Variants in LEKR1 observed in about 807,000 individuals in gnomAD.
The protein encoded by LEKR1 is leucine, glutamate and lysine rich 1, also known as protein LEKR1.
In LEKR1, 59 loss-of-function variants were observed where a neutral mutation model predicts 72.4. The observed-to-expected ratio is 0.82, with a 90% CI of 0.66 to 1.01. The LOEUF (loss-of-function observed/expected upper bound fraction) is 1.01. LEKR1 is among the 50% of genes least tolerant of loss of function. The pLI, the probability that LEKR1 is intolerant of heterozygous loss-of-function variation, is 0.00. For missense variants in LEKR1, 728 were observed against 759.2 expected, an observed-to-expected ratio of 0.96 and a Z score of 0.48; for synonymous variants, 257 against 263.2, an observed-to-expected ratio of 0.98 and a Z score of 0.23.
chr3:156,899,715 T>C (rs950699195), intron 3 of LEKR1, among the ~76,000 whole-genome samples: 52 of 126,108 alleles, frequency 4.1e-4, no homozygotes, highest in African/African-American at 1.4e-3. Context: ...TATATACACA[T>C]ATATACATGC....
intron 6 of LEKR1, among the ~76,000 whole-genome samples, chr3:156,967,316 C>A (rs1728718797): frequency 6.6e-6 from 1 of 152,116 alleles, no homozygotes; most frequent in South Asian, 2.1e-4. Context: ...TTCAGACGAT[C>A]AAACTACTCT....
intron 6 of LEKR1, among the ~76,000 whole-genome samples, chr3:156,956,123 C>A (rs1407093952): frequency 6.6e-6 from 1 of 151,766 alleles, no homozygotes; most frequent in Non-Finnish European, 1.5e-5. Flanking sequence ...AAGAACCAGG[C>A]TGAGAAAGTG....
chr3:156,859,115 A>C (rs190392895), intron 3 of LEKR1, among the ~76,000 whole-genome samples: 1 of 152,308 alleles, frequency 6.6e-6, no homozygotes, highest in Admixed American at 6.5e-5. Flanking sequence ...CTTTTAATGG[A>C]TATAACTTTG....
At chr3:157,020,740 C>T (rs1433135581) in intron 10 of LEKR1, among the ~76,000 whole-genome samples, 9 of 152,048 alleles carry the variant, frequency 5.9e-5, no homozygotes, top group African/African-American at 1.9e-4. Flanking sequence ...AGTAAACATA[C>T]GTGTGCATGT....
At position 157,008,301 on chromosome 3, in the gene LEKR1, C is replaced by G. The variant is rs138499348; in HGVS notation, c.1110-3112C>G. Among the ~76,000 whole-genome samples the G allele has an allele frequency of 3.5e-3, 528 of 152,334 alleles. 4 individuals carry two copies. Among genetic ancestry groups the G allele is most frequent in the African/African-American group, 0.012 (509 of 41,584 alleles). ...CATCACACAGGAGAGTGACCTACAA[C>G]TCACCTGCACATTGCTTCACCTCGG... On this transcript the variant is annotated intron_variant, in intron 9 of 12. Transcript: ENST00000356539.
At chr3:156,833,692 A>G (rs1345876080) in intron 2 of LEKR1, among the ~76,000 whole-genome samples, 1 of 152,158 alleles carries the variant, frequency 6.6e-6, no homozygotes, top group African/African-American at 2.4e-5. Context: ...GAAAAAATTA[A>G]TGAAATCAAA....
chr3:157,022,172 CTG>C (rs984119933), intron 10 of LEKR1, among the ~76,000 whole-genome samples: 3 of 152,128 alleles, frequency 2.0e-5, no homozygotes, highest in Non-Finnish European at 4.4e-5. Flanking sequence ...TGGCATGAGA[CTG>C]TTTTCATCTA....
intron 2 of LEKR1, among the ~76,000 whole-genome samples, 195 bp downstream of exon 2, chr3:156,829,572 G>A (rs982938435): frequency 5.3e-5 from 8 of 152,202 alleles, no homozygotes; most frequent in Non-Finnish European, 8.8e-5. Context: ...TTGCTGCTAT[G>A]GAAGAAGACA....
chr3:157,029,683 A>G (rs1366644266), intron 12 of LEKR1, among the ~76,000 whole-genome samples: 1 of 152,104 alleles, frequency 6.6e-6, no homozygotes, highest in African/African-American at 2.4e-5. Context: ...TTCAGGCAGG[A>G]GTAAGGAGGG....
At chr3:156,891,530 A>T (rs1462754787) in intron 3 of LEKR1, among the ~76,000 whole-genome samples, 1 of 152,168 alleles carries the variant, frequency 6.6e-6, no homozygotes, top group Non-Finnish European at 1.5e-5. Context: ...ATCAGTGAAG[A>T]TTAATCTGAG....
chr3:156,828,188 T>G (rs970642167), intron 1 of LEKR1, among the ~76,000 whole-genome samples: 1 of 152,256 alleles, frequency 6.6e-6, no homozygotes, highest in African/African-American at 2.4e-5. Context: ...AATGAGTCTT[T>G]GTGCTAACAC....
intron 6 of LEKR1, among the ~76,000 whole-genome samples, chr3:156,969,926 G>C (rs1323998984): frequency 2.0e-5 from 3 of 152,174 alleles, no homozygotes; most frequent in Non-Finnish European, 2.9e-5. Context: ...TATCCACCAT[G>C]ATCAAGTGGG....
intron 12 of LEKR1, among the ~76,000 whole-genome samples, chr3:157,035,897 AAAAT>A (rs1211468487): frequency 6.6e-6 from 1 of 152,148 alleles, no homozygotes. Flanking sequence ...CTCTGTCTCA[AAAAT>A]AAATAAATAA....
intron 10 of LEKR1, among the ~76,000 whole-genome samples, chr3:157,022,478 T>G (rs779518491): frequency 2.0e-5 from 3 of 152,032 alleles, no homozygotes; most frequent in Non-Finnish European, 4.4e-5. Flanking sequence ...CAAAGCATCT[T>G]TTGAAGGTAA....
In LEKR1 at chr3:156,959,465, T is replaced by C. The variant is rs188448475; in HGVS notation, c.745+16751T>C. The stretch of plus-strand genomic sequence containing the variant: ...TGTAGAACTAACTTTAAGTGCTAAG[T>C]ATCACAATAAGGCTTCTTTTGTGGT... On this transcript the variant is annotated intron_variant, in intron 6 of 12. Coordinates refer to ENST00000356539, the MANE Select transcript of LEKR1 (RefSeq NM_001004316.3). 4.6e-5 allele frequency among the ~76,000 whole-genome samples: 7 copies of C among 152,298 alleles called. No homozygotes were observed. In the East Asian group the frequency reaches 1.3e-3, roughly 29 times the overall value.
At chr3:156,887,990 A>C (rs192365793) in intron 3 of LEKR1, among the ~76,000 whole-genome samples, 2 of 152,338 alleles carry the variant, frequency 1.3e-5, no homozygotes, top group Admixed American at 1.3e-4. Context: ...ATTAATATGT[A>C]GATAAAATCA....
chr3:156,925,797 C>A (rs1002681350), intron 4 of LEKR1, among the ~76,000 whole-genome samples: 4 of 151,684 alleles, frequency 2.6e-5, no homozygotes, highest in African/African-American at 9.7e-5. Context: ...GTCAGTATAC[C>A]ATTGGAGTAG....
At position 157,045,934 on chromosome 3, in the gene LEKR1, G is replaced by C; in HGVS notation, c.*184G>C. On this transcript the variant is annotated 3_prime_UTR_variant, in exon 13 of 13. Coordinates refer to ENST00000356539, the MANE Select transcript of LEKR1 (RefSeq NM_001004316.3). Reference sequence around the variant, plus strand: ...AATTGTGAAGCCTTATTTTTCAAGAGGGTTTTGATAGAGTAACAGATCATT... The same window carrying C: ...AATTGTGAAGCCTTATTTTTCAAGACGGTTTTGATAGAGTAACAGATCATT... The C allele has an allele frequency of 1.7e-6, 1 of 591,178 alleles. No individual in the cohort carries two copies. The highest frequency in any genetic ancestry group is 2.9e-6 in the Non-Finnish European group (1 of 342,578). 36.6% of individuals were successfully genotyped at this position (591,178 alleles called of 1,614,324 possible).
intron 10 of LEKR1, among the ~76,000 whole-genome samples, chr3:157,021,216 C>T (rs924576089): frequency 4.6e-5 from 7 of 151,810 alleles, no homozygotes; most frequent in African/African-American, 7.3e-5. Context: ...AAATTTTCTC[C>T]CATTTTATAG....
Sources: gnomAD v4.1 joint callset for allele counts (sites outside exome capture counted in the v4.1 genomes callset) on GRCh38, gnomAD v4.1.1 for gene constraint, MANE v1.5 for transcripts, NCBI Gene and HGNC (gene_info 2026-07-23, HGNC 2026-07-21) for gene names.